The following CEP295 variants were observed in gnomAD, a reference collection of about 807,000 sequenced individuals.
The protein encoded by CEP295 is centrosomal protein 295.
A neutral mutation model predicts 291.6 loss-of-function variants in CEP295; 190 were observed. The observed-to-expected ratio is 0.65, with a 90% CI of 0.58 to 0.73. The LOEUF is 0.73. CEP295 is among the 30% of genes least tolerant of loss of function. The pLI is 0.00. For synonymous variants in CEP295, 993 were observed against 1,038.8 expected (o/e 0.96, Z 0.85); for missense variants, 2,863 against 2,949.4 (o/e 0.97, Z 0.68).
rs775290701 is a variant in CEP295 at position 93,727,334 on chromosome 11, AAG to A, written c.6861_6862del (p.Val2289CysfsTer11). 4.5e-6 allele frequency: 7 copies of A among 1,551,570 alleles called. No homozygotes were observed. The highest frequency in any genetic ancestry group is 1.2e-5 in the South Asian group (1 of 84,026). ...GTATGGGCTTTGAAGAACTATCAAAAAGAGGGGTTGTTACAATGTTACAAAGT... is the reference window on the plus strand; with the variant it reads ...GTATGGGCTTTGAAGAACTATCAAAAAGGGGTTGTTACAATGTTACAAAGT... Reference protein sequence around the residue: ...ESMGFEELSKRGVVTMLQSQG... With the variant: ...ESMGFEELSKXGVVTMLQSQG... On this transcript the variant is annotated frameshift_variant, in exon 24 of 30. Coordinates refer to ENST00000325212, the MANE Select transcript of CEP295 (RefSeq NM_033395.2). LOFTEE classifies it high-confidence loss of function.
intron 17 of CEP295, among the ~76,000 whole-genome samples, chr11:93,703,644 T>C (rs1952320962): frequency 6.6e-6 from 1 of 151,892 alleles, no homozygotes; most frequent in African/African-American, 2.4e-5. Context: ...TCTTTTCTTA[T>C]ATTTTTATAG....
chr11:93,674,263 CCTT>C (rs1292107036), intron 5 of CEP295, among the ~76,000 whole-genome samples: 1 of 152,120 alleles, frequency 6.6e-6, no homozygotes, highest in Non-Finnish European at 1.5e-5. Context: ...GCGCCCAGCC[CCTT>C]CTTGTCCTTT....
Position 93,729,545 on chromosome 11 carries a change from GCCTCCACACTTCTAAT to G in CEP295, c.7399+16_7399+31del. On this transcript the variant is annotated intron_variant, in intron 26 of 29. Transcript: ENST00000325212. ...AGCATCTACAGGTAAGCCTTGGACG[GCCTCCACACTTCTAAT>G]GGAAAGTAGATACTTTGCCTATTTC... is the stretch of plus-strand genomic sequence containing the variant. The G allele has an allele frequency of 1.3e-6, 2 of 1,549,576 alleles. No individual in the cohort carries two copies. Among genetic ancestry groups the G allele is most frequent in the African/African-American group, 2.7e-5 (2 of 73,088 alleles).
chr11:93,696,867 AG>A lies in CEP295; in HGVS notation c.1956del (p.Lys652AsnfsTer2). Reference protein sequence around the residue: ...SEHWDQGQRLKLSPNKYQPIQ... With the variant: ...SEHWDQGQRLXLSPNKYQPIQ... ...CATTGGGATCAAGGTCAGAGACTCA[AG>A]TTGAGTCCTAACAAATACCAACCCA... On this transcript the variant is annotated frameshift_variant, in exon 15 of 30. Coordinates refer to ENST00000325212, the MANE Select transcript of CEP295 (RefSeq NM_033395.2). LOFTEE classifies it high-confidence loss of function. 3 of 1,551,846 alleles carry A rather than the reference AG, an allele frequency of 1.9e-6. No homozygotes were observed. The highest frequency in any genetic ancestry group is 2.6e-6 in the Non-Finnish European group (3 of 1,146,962).
intron 3 of CEP295, 75 bp from the exon 4 acceptor site, chr11:93,668,733 C>A: frequency 1.8e-6 from 2 of 1,089,346 alleles, no homozygotes; most frequent in Non-Finnish European, 2.6e-6. Context: ...ATTGATAAAT[C>A]ACTTCTGATA....
chr11:93,672,775 G>T (rs1212633501), intron 5 of CEP295, among the ~76,000 whole-genome samples: 1 of 152,140 alleles, frequency 6.6e-6, no homozygotes, highest in East Asian at 1.9e-4. Flanking sequence ...TCCTAATTCT[G>T]CCAGGCTAAG....
chr11:93,678,781 C>T (rs1456078980), intron 6 of CEP295, among the ~76,000 whole-genome samples: 1 of 152,030 alleles, frequency 6.6e-6, no homozygotes, highest in Non-Finnish European at 1.5e-5. Flanking sequence ...CTCTGTGCCT[C>T]TTTCTCTTTT....
At chr11:93,666,615 T>C in intron 1 of CEP295, 67 bp from the exon 2 acceptor site, 1 of 650,808 alleles carries the variant, frequency 1.5e-6, no homozygotes, top group Non-Finnish European at 2.6e-6. Flanking sequence ...AACAAAATTA[T>C]TCTAATCTTT....
intron 6 of CEP295, among the ~76,000 whole-genome samples, chr11:93,677,489 C>T (rs538507674): frequency 6.6e-6 from 1 of 152,148 alleles, no homozygotes; most frequent in Non-Finnish European, 1.5e-5. Context: ...GTCCTACTTA[C>T]AGCCAGTAAT....
intron 15 of CEP295, among the ~76,000 whole-genome samples, chr11:93,702,256 G>T (rs1412849482): frequency 6.6e-6 from 1 of 152,168 alleles, no homozygotes; most frequent in Non-Finnish European, 1.5e-5. Context: ...ACCGCGCCTG[G>T]CCGAATGGTT....
chr11:93,673,606 G>A (rs1463418566), intron 5 of CEP295, among the ~76,000 whole-genome samples: 1 of 151,950 alleles, frequency 6.6e-6, no homozygotes, highest in African/African-American at 2.4e-5. Context: ...CGATTCTCCT[G>A]CCTCAGCCTC....
chr11:93,670,705 C>G (rs753774599), intron 5 of CEP295, among the ~76,000 whole-genome samples: 17 of 152,094 alleles, frequency 1.1e-4, no homozygotes, highest in Non-Finnish European at 2.2e-4. Flanking sequence ...TTCAGTCACT[C>G]CTTCGGTACA....
At chr11:93,707,296 A>C (rs895348733) in intron 18 of CEP295, among the ~76,000 whole-genome samples, 7 of 152,160 alleles carry the variant, frequency 4.6e-5, no homozygotes, top group Non-Finnish European at 8.8e-5. Flanking sequence ...TTAGAAGGAA[A>C]AATATTTAAA....
intron 9 of CEP295, among the ~76,000 whole-genome samples, chr11:93,685,001 A>G (rs1438279177): frequency 6.6e-6 from 1 of 152,220 alleles, no homozygotes; most frequent in African/African-American, 2.4e-5. Flanking sequence ...TGGCTGTCCC[A>G]TAGTTAAAAC....
chr11:93,663,953 G>A (rs549994719), intron 1 of CEP295, among the ~76,000 whole-genome samples: 148 of 152,186 alleles, frequency 9.7e-4, no homozygotes, highest in African/African-American at 3.3e-3. Context: ...CAGTACCCCA[G>A]CAAGCTTCTT....
chr11:93,727,571 A>T lies in CEP295; in HGVS notation c.7095A>T (p.Gln2365His). ...CAAAAATCACCAAAAAACTATCTCAACTAGGAGAATCAGAGCTTTTTGCAA... is the reference window on the plus strand; with the variant it reads ...CAAAAATCACCAAAAAACTATCTCATCTAGGAGAATCAGAGCTTTTTGCAA... Reference protein sequence around the residue: ...DIPKITKKLSQLGESELFASS... With the variant: ...DIPKITKKLSHLGESELFASS... The change falls in exon 24 of 30, where the codon CAA (glutamine) becomes CAT (histidine). Residue 2365 changes from glutamine to histidine, a missense_variant. By Grantham distance (24) the Gln-to-His change is conservative. Transcript: ENST00000325212. 1 of 1,551,246 alleles carries T rather than the reference A, an allele frequency of 6.4e-7. No homozygotes were observed. Among genetic ancestry groups the T allele is most frequent in the Non-Finnish European group, 8.7e-7 (1 of 1,146,864 alleles).
rs572605034 is a variant in CEP295, at chr11:93,683,621, A to G, written c.828A>G (p.Arg276=). 31 of 1,548,672 alleles carry G rather than the reference A, an allele frequency of 2.0e-5. No individual in the cohort carries two copies. The highest frequency in any genetic ancestry group is 1.6e-4 in the Admixed American group (8 of 49,986). Residue 276 remains arginine (R), a synonymous_variant, in exon 8 of 30, where the codon AGA becomes AGG. Transcript: ENST00000325212. ...AGCAAGAGGACCTGGCACGTAGGAGACAGACTGTAGCACAAATGCCACCAC... is the reference window on the plus strand; with the variant it reads ...AGCAAGAGGACCTGGCACGTAGGAGGCAGACTGTAGCACAAATGCCACCAC... ...QLQQEDLARR[R]QTVAQMPPQL...
At chr11:93,675,955 AC>A (rs1950667805) in intron 6 of CEP295, among the ~76,000 whole-genome samples, 1 of 152,050 alleles carries the variant, frequency 6.6e-6, no homozygotes, top group Non-Finnish European at 1.5e-5. Flanking sequence ...TTGGAACTGT[AC>A]ATATAAGTGT....
intron 12 of CEP295, among the ~76,000 whole-genome samples, chr11:93,694,151 A>G (rs1033786530): frequency 1.3e-5 from 2 of 152,204 alleles, no homozygotes; most frequent in Non-Finnish European, 1.5e-5. Context: ...TATTTTGAAA[A>G]CAAGATCATT....
Sources: gnomAD v4.1 joint callset for allele counts (sites outside exome capture counted in the v4.1 genomes callset) on GRCh38, gnomAD v4.1.1 for gene constraint, MANE v1.5 for transcripts, NCBI Gene and HGNC (gene_info 2026-07-23, HGNC 2026-07-21) for gene names.